PHF14: variants seen among roughly 807,000 people sequenced by gnomAD.
PHF14 encodes PHD finger protein 14.
A neutral mutation model predicts 117.9 loss-of-function variants in PHF14; 55 were observed. The observed-to-expected ratio is 0.47, with a 90% CI of 0.38 to 0.58. The LOEUF is 0.58. Ranked by LOEUF, PHF14 falls within the 20% of genes least tolerant of loss-of-function variation. The pLI is 0.00. For synonymous variants in PHF14, 409 were observed against 368.6 expected (o/e 1.11, Z -1.26); for missense variants, 978 against 1,122.2 (o/e 0.87, Z 1.84).
At position 11,122,178 on chromosome 7, in the gene PHF14, A is replaced by G. The variant is rs1340248991; in HGVS notation, c.2772+10711A>G. 4.6e-5 allele frequency among the ~76,000 whole-genome samples: 7 copies of G among 151,012 alleles called. No individual in the cohort carries two copies. The East Asian group carries it at 1.2e-3, about 25-fold the overall frequency. ...CTTCCAGCTTCATCCATGTCCCTGC[A>G]AAGGACATGAACTCATTCTTTTTTA... On this transcript the variant is annotated intron_variant, in intron 17 of 17. Coordinates refer to ENST00000634607, the MANE Select transcript of PHF14 (RefSeq NM_001007157.2).
At chr7:11,069,859 TA>T (rs760597723) in intron 16 of PHF14, among the ~76,000 whole-genome samples, 19 of 149,520 alleles carry the variant, frequency 1.3e-4, no homozygotes, top group Non-Finnish European at 1.9e-4. Context: ...TTTATTTATT[TA>T]TTTTTTTCTG....
At chr7:11,093,025 A>G (rs1468368766) in intron 16 of PHF14, among the ~76,000 whole-genome samples, 1 of 152,170 alleles carries the variant, frequency 6.6e-6, no homozygotes, top group Non-Finnish European at 1.5e-5. Flanking sequence ...CTATAGTCAG[A>G]AAGTGTGATA....
intron 4 of PHF14, among the ~76,000 whole-genome samples, chr7:10,993,169 G>A (rs923014573): frequency 2.6e-4 from 40 of 152,034 alleles, no homozygotes; most frequent in African/African-American, 9.4e-4. Flanking sequence ...TTGAGAGGGT[G>A]TCTTTCTGGT....
chr7:11,120,336 G>A (rs752567447), intron 17 of PHF14, among the ~76,000 whole-genome samples: 3 of 151,980 alleles, frequency 2.0e-5, no homozygotes, highest in African/African-American at 4.8e-5. Context: ...TAAGTGACAA[G>A]CATTTTAGGC....
chr7:11,163,701 T>C (rs1221049733), intron 17 of PHF14, among the ~76,000 whole-genome samples: 1 of 152,210 alleles, frequency 6.6e-6, no homozygotes, highest in Non-Finnish European at 1.5e-5. Flanking sequence ...TAAAACATTT[T>C]CATTATCGTC....
At chr7:11,084,993 GT>G (rs1786329986) in intron 16 of PHF14, among the ~76,000 whole-genome samples, 1 of 151,612 alleles carries the variant, frequency 6.6e-6, no homozygotes, top group South Asian at 2.1e-4. Context: ...AGGTTGTTGG[GT>G]TTTTTGTTTG....
chr7:11,085,109 G>A lies in PHF14; in HGVS notation c.2654+23024G>A, dbSNP rs902774232. ...ACTAAAACCTAATTTGGTATGTTAT[G>A]AAATAGACAACAGATATATATTATT... is the stretch of plus-strand genomic sequence containing the variant. On this transcript the variant is annotated intron_variant, in intron 16 of 17. Coordinates refer to ENST00000634607, the MANE Select transcript of PHF14 (RefSeq NM_001007157.2). Among the ~76,000 whole-genome samples the A allele has an allele frequency of 3.9e-5, 6 of 152,018 alleles. No homozygotes were observed. The East Asian group carries it at 1.2e-3, about 29-fold the overall frequency.
intron 13 of PHF14, among the ~76,000 whole-genome samples, chr7:11,043,027 A>G (rs571458409): frequency 1.3e-5 from 2 of 152,140 alleles, no homozygotes; most frequent in African/African-American, 4.8e-5. Flanking sequence ...TCTTAGCAAT[A>G]GATTCTTCTT....
chr7:11,120,756 A>G (rs1368942519), intron 17 of PHF14, among the ~76,000 whole-genome samples: 1 of 152,058 alleles, frequency 6.6e-6, no homozygotes, highest in Non-Finnish European at 1.5e-5. Flanking sequence ...ATGCACTAAT[A>G]TATTTATTTT....
At chr7:10,988,282 C>T (rs796187737) in intron 3 of PHF14, among the ~76,000 whole-genome samples, 19 of 151,738 alleles carry the variant, frequency 1.3e-4, no homozygotes, top group African/African-American at 3.9e-4. Flanking sequence ...GAGAAATTGG[C>T]GTAGAGATAT....
At chr7:11,009,229 T>G (rs1289211986) in intron 4 of PHF14, among the ~76,000 whole-genome samples, 1 of 152,148 alleles carries the variant, frequency 6.6e-6, no homozygotes, top group African/African-American at 2.4e-5. Context: ...CTTCAGAGAT[T>G]TGGTTTGTTC....
At chr7:10,997,400 G>T in intron 4 of PHF14, among the ~76,000 whole-genome samples, 1 of 152,190 alleles carries the variant, frequency 6.6e-6, no homozygotes, top group Admixed American at 6.5e-5. Context: ...GACAAGGGAT[G>T]TGAAATTGAG....
intron 11 of PHF14, 28 bp from the exon 12 acceptor site, chr7:11,040,644 T>C: frequency 8.2e-7 from 1 of 1,217,414 alleles, no homozygotes; most frequent in East Asian, 2.7e-5. Flanking sequence ...CTTAAAACAA[T>C]ATATACTACA....
chr7:11,028,233 A>G (rs184300661), intron 6 of PHF14, among the ~76,000 whole-genome samples: 142 of 152,274 alleles, frequency 9.3e-4, no homozygotes, highest in Middle Eastern at 3.4e-3. Flanking sequence ...ATCTCATGTA[A>G]TTTATTGAAT....
chr7:11,047,290 G>A (rs541718135), intron 13 of PHF14, among the ~76,000 whole-genome samples: 2 of 151,804 alleles, frequency 1.3e-5, no homozygotes, highest in African/African-American at 2.4e-5. Context: ...GAATGGTCTC[G>A]ATCTCCTGAC....
intron 8 of PHF14, 125 bp downstream of exon 8, chr7:11,035,911 G>C: frequency 1.4e-6 from 1 of 725,672 alleles, no homozygotes; most frequent in Non-Finnish European, 2.3e-6. Flanking sequence ...CTAGGAAATG[G>C]ATTGTGATTA....
At chr7:11,109,465 A>G (rs2128343095) in intron 16 of PHF14, 1 of 149,278 alleles carries the variant, frequency 6.7e-6, no homozygotes, top group African/African-American at 2.4e-5. Flanking sequence ...TAAATTTCGC[A>G]TCAAAGATGA....
intron 16 of PHF14, chr7:11,107,440 T>G: frequency 1.2e-6 from 1 of 823,370 alleles, no homozygotes; most frequent in Non-Finnish European, 1.5e-6. Context: ...GTTATTAATC[T>G]GATAGCTAGG....
intron 12 of PHF14, 106 bp from the exon 13 acceptor site, chr7:11,042,573 TAGTA>T: frequency 3.0e-6 from 2 of 664,494 alleles, no homozygotes; most frequent in South Asian, 2.3e-5. Context: ...ACAGAAGAAA[TAGTA>T]AGTTAAATCA....
Sources: allele counts gnomAD v4.1 joint callset (sites outside exome capture counted in the v4.1 genomes callset), GRCh38; gene constraint gnomAD v4.1.1; transcripts MANE v1.5; gene names NCBI Gene and HGNC (gene_info 2026-07-23, HGNC 2026-07-21).